IFT122: variants seen among roughly 807,000 people sequenced by gnomAD.
IFT122 encodes the protein intraflagellar transport 122.
In IFT122, 118 loss-of-function variants were observed where a neutral mutation model predicts 161.6. The observed-to-expected ratio is 0.73, with a 90% CI of 0.63 to 0.85. The LOEUF (loss-of-function observed/expected upper bound fraction) is 0.85, where lower values mean the gene tolerates loss of function less well. IFT122 is among the 40% of genes least tolerant of loss of function. The pLI is 0.00. For synonymous variants in IFT122, 550 were observed against 602.4 expected, an observed-to-expected ratio of 0.91 and a Z score of 1.27; for missense variants, 1,381 against 1,579.6, an observed-to-expected ratio of 0.87 and a Z score of 2.13.
At chr3:129,516,789 T>C (rs867451717) in intron 26 of IFT122, among the ~76,000 whole-genome samples, 35 of 42,660 alleles carry the variant, frequency 8.2e-4, no homozygotes, top group Middle Eastern at 0.024. Context: ...CAGAGACCGC[T>C]CCTGCACACA....
At chr3:129,499,243 T>C (rs1277019940) in intron 18 of IFT122, among the ~76,000 whole-genome samples, 2 of 152,248 alleles carry the variant, frequency 1.3e-5, no homozygotes, top group African/African-American at 2.4e-5. Context: ...AGATGTTTGC[T>C]TGTTATCTGT....
chr3:129,480,522 A>T (rs1348328957), intron 13 of IFT122, among the ~76,000 whole-genome samples: 10 of 152,264 alleles, frequency 6.6e-5, no homozygotes. Context: ...TAGCTGCATT[A>T]GCCTGACAGC....
At chr3:129,492,620 C>G (rs528587111) in intron 17 of IFT122, among the ~76,000 whole-genome samples, 1 of 152,028 alleles carries the variant, frequency 6.6e-6, no homozygotes. Context: ...GCTCCATTCC[C>G]CAGAAATGGA....
chr3:129,474,219 A>T (rs1233586657), intron 9 of IFT122, among the ~76,000 whole-genome samples: 1 of 152,254 alleles, frequency 6.6e-6, no homozygotes, highest in Non-Finnish European at 1.5e-5. Context: ...TCAAAATTGG[A>T]TGCCTTAAAC....
At chr3:129,458,198 A>G (rs2075763282) in intron 3 of IFT122, among the ~76,000 whole-genome samples, 1 of 152,244 alleles carries the variant, frequency 6.6e-6, no homozygotes. Flanking sequence ...AAATTTAAGT[A>G]AAAAAGTAAA....
intron 1 of IFT122, among the ~76,000 whole-genome samples, chr3:129,447,413 G>GAAAGGAATGTCTGGGTTAAGAT (rs2074143643): frequency 6.6e-6 from 1 of 152,232 alleles, no homozygotes; most frequent in Non-Finnish European, 1.5e-5. Flanking sequence ...GGGATCAACA[G>GAAAGGAATGTCTGGGTTAAGAT]AAAGGAATGT....
Position 129,469,384 on chromosome 3 carries a change from G to A in IFT122, c.783G>A (p.Gln261=), listed in dbSNP as rs144727222. 38 of 1,614,088 alleles carry A rather than the reference G, an allele frequency of 2.4e-5. No homozygotes were observed. The African/African-American group carries it at 3.6e-4, about 15-fold the overall frequency. ...TCCTGGCTGTGGCTGACTGGGGACA[G>A]AAAGTTTCCTTCTACCAGCTGAGTG... The part of the protein sequence containing the change: ...NDILAVADWG[Q]KVSFYQLSGK... The change falls in exon 9 of 30, where the codon CAG becomes CAA. Residue 261 remains glutamine (Q), a synonymous_variant. Coordinates refer to ENST00000348417, the MANE Select transcript of IFT122 (RefSeq NM_052989.3).
intron 17 of IFT122, among the ~76,000 whole-genome samples, chr3:129,494,962 C>G (rs1157521308): frequency 6.6e-6 from 1 of 152,182 alleles, no homozygotes. Context: ...GGATTTCTTA[C>G]CTTCTCTTTA....
intron 22 of IFT122, 58 bp downstream of exon 22, chr3:129,506,607 A>G (rs1309357087): frequency 6.2e-7 from 1 of 1,607,926 alleles, no homozygotes; most frequent in Non-Finnish European, 8.5e-7. Context: ...CACCAAGATA[A>G]ACATCAGAAG....
chr3:129,481,725 A>C, intron 14 of IFT122, 31 bp downstream of exon 14: 1 of 1,610,838 alleles, frequency 6.2e-7, no homozygotes, highest in East Asian at 2.2e-5. Flanking sequence ...CAGGGACATC[A>C]TCCTTTGATT....
Position 129,514,407 on chromosome 3 carries a change from G to A in IFT122, c.3006G>A (p.Leu1002=). 6.2e-7 allele frequency: 1 copy of A among 1,614,116 alleles called. No homozygotes were observed. Among genetic ancestry groups the A allele is most frequent in the Non-Finnish European group, 8.5e-7 (1 of 1,179,994 alleles). The change falls in exon 25 of 30, where the codon TTG becomes TTA. Residue 1002 remains leucine, a synonymous_variant. Transcript: ENST00000348417. ...ACGGCAGGAAAATACTCTTCACCTT[G>A]GCCAAGCAGAGCAAGGCCCTCGGTG... is the stretch of plus-strand genomic sequence containing the variant. ...GISKVKILFT[L]AKQSKALGAY... is the part of the protein sequence containing the mutation.
At chr3:129,454,064 GT>G (rs1360276816) in intron 3 of IFT122, among the ~76,000 whole-genome samples, 1 of 152,150 alleles carries the variant, frequency 6.6e-6, no homozygotes, top group Non-Finnish European at 1.5e-5. Flanking sequence ...CCAGTCCCAG[GT>G]TTTTAACTTC....
intron 17 of IFT122, among the ~76,000 whole-genome samples, chr3:129,493,258 T>C (rs887634504): frequency 2.0e-5 from 3 of 152,202 alleles, no homozygotes; most frequent in Admixed American, 2.0e-4. Flanking sequence ...TTGGAAACAG[T>C]GAGGAAATAG....
chr3:129,502,805 G>T lies in IFT122; in HGVS notation c.2470G>T (p.Ala824Ser). ...YLKKLDSPGY[A>S]AETYLKMGDL... The stretch of plus-strand genomic sequence containing the variant: ...CAAGAAGCTGGACAGCCCTGGCTAT[G>T]CTGCTGAGACCTACCTGAAGATGGG... Residue 824 changes from alanine to serine, a missense_variant, in exon 20 of 30, where the codon GCT becomes TCT. Physicochemically the swap from Ala to Ser is moderately conservative, Grantham distance 99. Coordinates refer to ENST00000348417, the MANE Select transcript of IFT122 (RefSeq NM_052989.3). The T allele has an allele frequency of 6.2e-7, 1 of 1,613,258 alleles. No homozygotes were observed.
At chr3:129,459,705 C>G (rs1009894662) in intron 4 of IFT122, among the ~76,000 whole-genome samples, 1 of 98,822 alleles carries the variant, frequency 1.0e-5, no homozygotes, top group Non-Finnish European at 1.8e-5. Flanking sequence ...TCCTTCCTTC[C>G]TTCCTTCCTT....
chr3:129,515,362 C>G, intron 25 of IFT122, 126 bp from the exon 26 acceptor site: 1 of 782,620 alleles, frequency 1.3e-6, no homozygotes. Context: ...GGCGCCCCTT[C>G]CCTGCCTGCC....
In IFT122 at chr3:129,520,240, G is replaced by A; in HGVS notation, c.3701G>A (p.Arg1234Lys). 1 of 1,610,924 alleles carries A rather than the reference G, an allele frequency of 6.2e-7. No individual in the cohort carries two copies. The highest frequency in any genetic ancestry group is 8.5e-7 in the Non-Finnish European group (1 of 1,179,904). ...CATGGCTGCTGCCCCTACTGCCGCA[G>A]GTGCAAGGATGACCCTGGCCCATGA... Reference protein sequence around the residue: ...LQHGCCPYCRRCKDDPGP With the variant: ...LQHGCCPYCRKCKDDPGP Residue 1234 changes from arginine to lysine, a missense_variant, in exon 30 of 30, where the codon AGG (arginine) becomes AAG (lysine). By Grantham distance (26) the Arg-to-Lys change is conservative (BLOSUM62 2). This residue lies in a region of IFT122 where 177 missense variants were observed against 199.2 expected (regional missense o/e 0.89). Coordinates refer to ENST00000348417, the MANE Select transcript of IFT122 (RefSeq NM_052989.3).
chr3:129,483,364 C>G (rs989691098), intron 14 of IFT122, 121 bp from the exon 15 acceptor site: 2 of 847,988 alleles, frequency 2.4e-6, no homozygotes, highest in Admixed American at 1.8e-5. Flanking sequence ...CCTTTTCCCT[C>G]CATCCCACTG....
chr3:129,493,583 A>G (rs139910289), intron 17 of IFT122, among the ~76,000 whole-genome samples: 1 of 152,218 alleles, frequency 6.6e-6, no homozygotes, highest in African/African-American at 2.4e-5. Context: ...ATTCAAGCCC[A>G]GTCTATTTCC....
Sources: gnomAD v4.1 joint callset for allele counts (sites outside exome capture counted in the v4.1 genomes callset) on GRCh38, gnomAD v4.1.1 for gene constraint, gnomAD v4.1.1 regional missense constraint, MANE v1.5 for transcripts, NCBI Gene and HGNC (gene_info 2026-07-23, HGNC 2026-07-21) for gene names.